CSMD3: variants seen among roughly 807,000 people sequenced by gnomAD.
The protein encoded by CSMD3 is CUB and Sushi multiple domains 3.
CSMD3 carries 177 observed loss-of-function variants against 435.2 expected under a neutral mutation model. The ratio of observed to expected loss-of-function variants is 0.41; its 90% CI spans 0.36 to 0.46. CSMD3 has a LOEUF of 0.46. Among genes scored for constraint, CSMD3 ranks in the 20% least tolerant of loss-of-function variants. The probability of loss-of-function intolerance (pLI) is 0.34; values close to 1 mark genes in which losing one functional copy is unlikely to be tolerated. For missense variants in CSMD3, 4,265 were observed against 4,504.6 expected, an observed-to-expected ratio of 0.95 and a Z score of 1.52; for synonymous variants, 1,656 against 1,520.5, an observed-to-expected ratio of 1.09 and a Z score of -2.07.
chr8:112,762,487 T>C (rs1307841101), intron 13 of CSMD3, among the ~76,000 whole-genome samples: 1 of 151,958 alleles, frequency 6.6e-6, no homozygotes, highest in East Asian at 1.9e-4. Flanking sequence ...ACCTGACTTC[T>C]ATTTAATTAA....
intron 16 of CSMD3, 36 bp downstream of exon 16, chr8:112,682,406 G>C (rs1271673053): frequency 1.4e-6 from 2 of 1,460,568 alleles, no homozygotes; most frequent in African/African-American, 1.4e-5. Flanking sequence ...ACATAATGAT[G>C]ATGAGGTTCT....
intron 3 of CSMD3, among the ~76,000 whole-genome samples, chr8:113,201,343 T>C (rs2132031968): frequency 6.6e-6 from 1 of 152,038 alleles, no homozygotes; most frequent in African/African-American, 2.4e-5. Flanking sequence ...CCTCATGGGC[T>C]TACAGTCAAA....
At chr8:112,326,031 C>G (rs1346535730) in intron 45 of CSMD3, among the ~76,000 whole-genome samples, 1 of 152,068 alleles carries the variant, frequency 6.6e-6, no homozygotes, top group African/African-American at 2.4e-5. Context: ...TTGACATTCA[C>G]AAATAAATAA....
chr8:112,296,550 A>G (rs77625200), intron 53 of CSMD3, among the ~76,000 whole-genome samples: 2 of 137,990 alleles, frequency 1.4e-5, no homozygotes, highest in South Asian at 4.7e-4. Flanking sequence ...ACTCCACCTC[A>G]AAAAAAAAAT....
intron 27 of CSMD3, among the ~76,000 whole-genome samples, chr8:112,524,085 A>G (rs1194271349): frequency 1.3e-5 from 2 of 152,042 alleles, no homozygotes; most frequent in Non-Finnish European, 2.9e-5. Context: ...GGAGATATTA[A>G]CAGAAACAAC....
At chr8:113,116,918 G>C (rs978986595) in intron 4 of CSMD3, among the ~76,000 whole-genome samples, 1 of 152,118 alleles carries the variant, frequency 6.6e-6, no homozygotes, top group Non-Finnish European at 1.5e-5. Context: ...ATTTGAACTT[G>C]AGAGAGATGA....
chr8:113,076,024 T>C (rs1357097383), intron 5 of CSMD3, among the ~76,000 whole-genome samples: 1 of 151,830 alleles, frequency 6.6e-6, no homozygotes, highest in African/African-American at 2.4e-5. Context: ...TCCTACTGAG[T>C]AGTTTCACTA....
At chr8:112,940,377 A>G (rs1193610796) in intron 9 of CSMD3, among the ~76,000 whole-genome samples, 3 of 151,778 alleles carry the variant, frequency 2.0e-5, no homozygotes, top group Non-Finnish European at 4.4e-5. Context: ...AAAATCTTCA[A>G]AATTCTCCTT....
At chr8:113,277,827 A>G (rs535143012) in intron 3 of CSMD3, among the ~76,000 whole-genome samples, 96 of 152,062 alleles carry the variant, frequency 6.3e-4, no homozygotes, top group African/African-American at 2.3e-3. Context: ...TCTATCTGAA[A>G]CCTTCAAGAA....
intron 5 of CSMD3, among the ~76,000 whole-genome samples, chr8:113,086,039 C>G (rs1359223045): frequency 6.6e-6 from 1 of 151,976 alleles, no homozygotes; most frequent in Admixed American, 6.6e-5. Flanking sequence ...AGATGGAGGC[C>G]ATACTGGCTA....
chr8:112,619,425 T>G (rs1261424665), intron 22 of CSMD3, among the ~76,000 whole-genome samples: 1 of 152,014 alleles, frequency 6.6e-6, no homozygotes, highest in African/African-American at 2.4e-5. Context: ...ATATATCCTA[T>G]TCCATTCACT....
chr8:112,893,544 C>T (rs1020722534), intron 10 of CSMD3, among the ~76,000 whole-genome samples: 8 of 151,484 alleles, frequency 5.3e-5, no homozygotes, highest in African/African-American at 1.7e-4. Context: ...CTAACTTCCT[C>T]CAGGTCACTT....
At chr8:112,232,064 A>G (rs768450643) in intron 68 of CSMD3, among the ~76,000 whole-genome samples, 4 of 152,142 alleles carry the variant, frequency 2.6e-5, no homozygotes, top group African/African-American at 4.8e-5. Flanking sequence ...GCTTGGGCCT[A>G]TGGAGTGTGG....
chr8:113,324,845 G>A (rs771990775), intron 1 of CSMD3, among the ~76,000 whole-genome samples: 4 of 152,224 alleles, frequency 2.6e-5, no homozygotes, highest in Non-Finnish European at 5.9e-5. Flanking sequence ...CAAAGCCACA[G>A]GGGTGGAGCT....
intron 5 of CSMD3, among the ~76,000 whole-genome samples, chr8:113,020,734 A>G (rs190099807): frequency 2.6e-4 from 39 of 152,324 alleles, no homozygotes; most frequent in African/African-American, 8.9e-4. Flanking sequence ...CTGATTTATT[A>G]TACTATGTTT....
At chr8:112,566,460 G>A (rs868518791) in intron 24 of CSMD3, among the ~76,000 whole-genome samples, 2 of 151,972 alleles carry the variant, frequency 1.3e-5, no homozygotes, top group South Asian at 2.1e-4. Context: ...ATCCAAGCCC[G>A]TACTATACTC....
intron 40 of CSMD3, among the ~76,000 whole-genome samples, chr8:112,350,002 T>A (rs371684548): frequency 6.6e-6 from 1 of 151,998 alleles, no homozygotes; most frequent in African/African-American, 2.4e-5. Flanking sequence ...ATAGGACTGG[T>A]GTCCTTTAAG....
At chr8:112,449,880 G>A (rs942101315) in intron 32 of CSMD3, among the ~76,000 whole-genome samples, 2 of 151,960 alleles carry the variant, frequency 1.3e-5, no homozygotes, top group Admixed American at 6.5e-5. Context: ...CCGCCACCAC[G>A]CCTGGCTAAT....
chr8:112,643,085 T>C (rs1326774300), intron 20 of CSMD3, among the ~76,000 whole-genome samples: 1 of 152,110 alleles, frequency 6.6e-6, no homozygotes, highest in African/African-American at 2.4e-5. Context: ...GATCTAGGGA[T>C]AGAGGACATG....
Sources: gnomAD v4.1 joint callset for allele counts (sites outside exome capture counted in the v4.1 genomes callset) on GRCh38, gnomAD v4.1.1 for gene constraint, MANE v1.5 for transcripts, NCBI Gene and HGNC (gene_info 2026-07-23, HGNC 2026-07-21) for gene names.